The following RANBP2 variants were observed in gnomAD, a reference collection of about 807,000 sequenced individuals.
The protein encoded by RANBP2 is RAN binding protein 2.
RANBP2 carries 57 observed loss-of-function variants against 303.6 expected under a neutral mutation model. The ratio of observed to expected loss-of-function variants is 0.19; its 90% CI spans 0.15 to 0.23. The LOEUF is 0.23. Among genes scored for constraint, RANBP2 ranks in the 10% least tolerant of loss-of-function variants. The pLI is 1.00. For synonymous variants in RANBP2, 1,167 were observed against 1,301.5 expected, an observed-to-expected ratio of 0.90 and a Z score of 2.23; for missense variants, 3,138 against 3,780.8, an observed-to-expected ratio of 0.83 and a Z score of 4.46.
At chr2:109,769,981 T>C in the RANBP2 span, among the ~76,000 whole-genome samples, 163 of 123,238 alleles carry the variant, frequency 1.3e-3, 25 homozygotes, top group East Asian at 0.014. Flanking sequence ...ATTAATACAG[T>C]TTCTTTTACA....
At chr2:108,771,370 G>A (rs1226492596) in intron 20 of RANBP2, among the ~76,000 whole-genome samples, 2 of 151,930 alleles carry the variant, frequency 1.3e-5, no homozygotes, top group Non-Finnish European at 2.9e-5. Context: ...GCTAAGTATA[G>A]TTAGGCAACA....
the RANBP2 span, among the ~76,000 whole-genome samples, chr2:109,385,882 C>G: frequency 7.1e-6 from 1 of 141,066 alleles, no homozygotes; most frequent in East Asian, 2.0e-4. Context: ...AAGAGATGGA[C>G]GTTTGGTTGA....
the RANBP2 span, among the ~76,000 whole-genome samples, chr2:109,223,584 A>G: frequency 6.6e-6 from 1 of 152,176 alleles, no homozygotes; most frequent in Non-Finnish European, 1.5e-5. Flanking sequence ...CCATTCAAGC[A>G]TCGGTGGAGG....
At chr2:109,512,338 C>A in the RANBP2 span, among the ~76,000 whole-genome samples, 2 of 152,122 alleles carry the variant, frequency 1.3e-5, no homozygotes, top group Non-Finnish European at 2.9e-5. Context: ...CTTCCTCCTT[C>A]TTCTGATGCC....
chr2:109,614,334 A>G, the RANBP2 span: 2 of 666,884 alleles, frequency 3.0e-6, no homozygotes, highest in Non-Finnish European at 4.1e-6. Context: ...GGCGCGGCCC[A>G]GTGAGGCGGT....
chr2:109,554,213 T>C, the RANBP2 span, among the ~76,000 whole-genome samples: 1 of 152,146 alleles, frequency 6.6e-6, no homozygotes, highest in African/African-American at 2.4e-5. Flanking sequence ...AATCAGGGAA[T>C]AGATGTTTGC....
the RANBP2 span, among the ~76,000 whole-genome samples, chr2:109,457,687 A>G: frequency 6.6e-6 from 1 of 152,344 alleles, no homozygotes; most frequent in African/African-American, 2.4e-5. Flanking sequence ...GCAAAATTCT[A>G]CTGCTGTGAC....
chr2:108,788,460 T>G (rs1243419364), downstream of RANBP2, among the ~76,000 whole-genome samples: 1 of 151,624 alleles, frequency 6.6e-6, no homozygotes, highest in Non-Finnish European at 1.5e-5. Context: ...GGCTCACGCC[T>G]GTAATCCCAG....
chr2:108,786,807 A>G (rs756114390), downstream of RANBP2: 11 of 1,577,696 alleles, frequency 7.0e-6, no homozygotes, highest in Non-Finnish European at 8.6e-6. Flanking sequence ...GGAGACTGGT[A>G]CGGTTGCTGT....
chr2:109,344,714 G>A, the RANBP2 span, among the ~76,000 whole-genome samples: 2 of 152,176 alleles, frequency 1.3e-5, no homozygotes, highest in Non-Finnish European at 2.9e-5. Context: ...CTCAGAAGTG[G>A]AGTTGGCAGG....
At chr2:109,460,989 C>T in the RANBP2 span, among the ~76,000 whole-genome samples, 1 of 152,228 alleles carries the variant, frequency 6.6e-6, no homozygotes, top group African/African-American at 2.4e-5. Flanking sequence ...GAACCAGGCT[C>T]AAGTCTTATC....
the RANBP2 span, among the ~76,000 whole-genome samples, chr2:109,102,427 G>A: frequency 3.3e-3 from 94 of 28,182 alleles, no homozygotes; most frequent in Non-Finnish European, 3.3e-3. Context: ...AAAGAATTCC[G>A]CTTCAAAAAA....
At chr2:109,002,920 C>A in the RANBP2 span, among the ~76,000 whole-genome samples, 4 of 152,008 alleles carry the variant, frequency 2.6e-5, no homozygotes, top group East Asian at 5.8e-4. Context: ...AAGATTCCAG[C>A]AAAGTGGCTG....
chr2:108,719,987 C>A (rs946473302), intron 1 of RANBP2: 1 of 985,056 alleles, frequency 1.0e-6, no homozygotes, highest in Non-Finnish European at 1.2e-6. Context: ...TCGCGCACCC[C>A]GTAGTACCCG....
the RANBP2 span, among the ~76,000 whole-genome samples, chr2:109,101,823 C>T: frequency 1.3e-5 from 2 of 152,244 alleles, no homozygotes; most frequent in Admixed American, 6.5e-5. Flanking sequence ...TTCAGGGAAA[C>T]ACTTGGTTGC....
chr2:109,510,784 G>A, the RANBP2 span, among the ~76,000 whole-genome samples: 2 of 152,218 alleles, frequency 1.3e-5, no homozygotes, highest in African/African-American at 4.8e-5. Flanking sequence ...GAGCAGAGTG[G>A]GGCCCATGCT....
chr2:109,462,600 C>G, the RANBP2 span, among the ~76,000 whole-genome samples: 1 of 152,170 alleles, frequency 6.6e-6, no homozygotes, highest in Non-Finnish European at 1.5e-5. Context: ...TCTAGGAATG[C>G]ATATTGCTTT....
At chr2:109,623,425 T>A in the RANBP2 span, among the ~76,000 whole-genome samples, 3 of 152,110 alleles carry the variant, frequency 2.0e-5, no homozygotes, top group African/African-American at 4.8e-5. Context: ...TCGGGGGCTG[T>A]TTATGGGTTA....
At chr2:109,434,105 C>T in the RANBP2 span, among the ~76,000 whole-genome samples, 1 of 152,240 alleles carries the variant, frequency 6.6e-6, no homozygotes, top group Non-Finnish European at 1.5e-5. Flanking sequence ...TTGGGCTCAC[C>T]TGTCGTGTCA....
Sources: allele counts gnomAD v4.1 joint callset (sites outside exome capture counted in the v4.1 genomes callset), GRCh38; gene constraint gnomAD v4.1.1; transcripts MANE v1.5; gene names NCBI Gene and HGNC (gene_info 2026-07-23, HGNC 2026-07-21).